SLC44A1: variants seen among roughly 807,000 people sequenced by gnomAD.
SLC44A1 encodes choline transporter-like protein 1.
In SLC44A1, 26 loss-of-function variants were observed where a neutral mutation model predicts 79.3. The ratio of observed to expected loss-of-function variants is 0.33; its 90% CI spans 0.24 to 0.46. The LOEUF (loss-of-function observed/expected upper bound fraction) is 0.46, where lower values mean the gene tolerates loss of function less well. Among genes scored for constraint, SLC44A1 ranks in the 20% least tolerant of loss-of-function variants. SLC44A1 has a pLI of 1.00. For missense variants in SLC44A1, 688 were observed against 798.1 expected (o/e 0.86, Z 1.66); for synonymous variants, 263 against 286.2 (o/e 0.92, Z 0.82).
intron 1 of SLC44A1, among the ~76,000 whole-genome samples, chr9:105,265,932 G>A (rs906034851): frequency 1.7e-4 from 25 of 151,364 alleles, no homozygotes; most frequent in African/African-American, 5.1e-4. Flanking sequence ...TGTATCTTTC[G>A]AATTATTGCT....
chr9:105,376,048 T>C (rs911029295), intron 13 of SLC44A1, among the ~76,000 whole-genome samples: 3 of 152,180 alleles, frequency 2.0e-5, no homozygotes, highest in African/African-American at 4.8e-5. Flanking sequence ...CCATGGTAAA[T>C]ATCCACCAAA....
intron 4 of SLC44A1, among the ~76,000 whole-genome samples, chr9:105,342,810 G>C (rs1281163267): frequency 2.6e-5 from 4 of 151,906 alleles, no homozygotes; most frequent in African/African-American, 7.3e-5. Context: ...TTTGATTTTT[G>C]CACTTGCTAT....
intron 5 of SLC44A1, among the ~76,000 whole-genome samples, chr9:105,351,455 A>G (rs917909666): frequency 9.2e-5 from 14 of 151,676 alleles, no homozygotes; most frequent in African/African-American, 2.9e-4. Flanking sequence ...AATCGCTTGA[A>G]CCTGGGAGGT....
At chr9:105,342,088 CTTA>C (rs1189963008) in intron 4 of SLC44A1, among the ~76,000 whole-genome samples, 3 of 152,174 alleles carry the variant, frequency 2.0e-5, no homozygotes, top group Non-Finnish European at 2.9e-5. Flanking sequence ...TACTTTCCTC[CTTA>C]TTATAATTAT....
At chr9:105,304,944 G>GTT (rs10589897) in intron 2 of SLC44A1, among the ~76,000 whole-genome samples, 3 of 20,076 alleles carry the variant, frequency 1.5e-4, no homozygotes, top group Non-Finnish European at 1.1e-4. Context: ...ACTTTCTATC[G>GTT]TTTTTTTTTT....
rs1827435744 is a variant in SLC44A1, at chr9:105,351,625, AG to A, written c.500+3175del. 4.1e-3 allele frequency among the ~76,000 whole-genome samples: 294 copies of A among 71,256 alleles called. 2 individuals are homozygous for A. Among genetic ancestry groups the A allele is most frequent in the African/African-American group, 0.013 (228 of 17,820 alleles). 46.7% of individuals were successfully genotyped at this position (71,256 alleles called of 152,430 possible). A position where few individuals can be genotyped will look rare whatever the true frequency, so the allele number is the denominator to read the frequency against. ...AAGAAAGAAAGAAAGAAAGAAAGAGAGAGAAAGAGAAAGAAAGAAAGAAAGA... is the reference window on the plus strand; with the variant it reads ...AAGAAAGAAAGAAAGAAAGAAAGAGAAGAAAGAGAAAGAAAGAAAGAAAGA... On this transcript the variant is annotated intron_variant, in intron 5 of 15. Coordinates refer to ENST00000374720, the MANE Select transcript of SLC44A1 (RefSeq NM_080546.5).
At chr9:105,415,872 A>T (rs1466853584) in intron 15 of SLC44A1, among the ~76,000 whole-genome samples, 3 of 146,240 alleles carry the variant, frequency 2.1e-5, no homozygotes, top group South Asian at 2.2e-4. Context: ...CAACTTTTGG[A>T]TATTCTCTGA....
intron 1 of SLC44A1, among the ~76,000 whole-genome samples, chr9:105,260,565 A>G (rs1334933687): frequency 6.6e-6 from 1 of 152,236 alleles, no homozygotes; most frequent in South Asian, 2.1e-4. Context: ...GATATTGGCA[A>G]AAGTAGATAA....
At chr9:105,437,061 GTTTGA>G (rs1829472549) in intron 15 of SLC44A1, among the ~76,000 whole-genome samples, 1 of 152,150 alleles carries the variant, frequency 6.6e-6, no homozygotes, top group Non-Finnish European at 1.5e-5. Flanking sequence ...CTCTGGGCTT[GTTTGA>G]TAATCAAACT....
chr9:105,283,746 A>G (rs1487880864), intron 1 of SLC44A1, among the ~76,000 whole-genome samples: 1 of 152,210 alleles, frequency 6.6e-6, no homozygotes, highest in East Asian at 1.9e-4. Flanking sequence ...TTCTCATTCC[A>G]CCTTATGAGA....
intron 2 of SLC44A1, chr9:105,299,717 C>T: frequency 1.1e-6 from 1 of 911,862 alleles, no homozygotes; most frequent in Non-Finnish European, 1.3e-6. Context: ...TTGCTCACTG[C>T]TCCTTCCTCC....
At chr9:105,280,885 A>G (rs193007) in intron 1 of SLC44A1, among the ~76,000 whole-genome samples, 26,212 of 152,180 alleles carry the variant, frequency 0.17, 3,452 homozygotes, top group African/African-American at 0.37. Flanking sequence ...TTAGGAAGAA[A>G]TGTTCAAGGT....
intron 14 of SLC44A1, 53 bp downstream of exon 14, chr9:105,383,412 A>G (rs1828537791): frequency 9.9e-7 from 1 of 1,008,244 alleles, no homozygotes; most frequent in Non-Finnish European, 1.6e-6. Flanking sequence ...ACCAATAAAA[A>G]TATTTTGTAA....
chr9:105,344,210 A>G (rs536023684), intron 4 of SLC44A1, among the ~76,000 whole-genome samples: 1 of 152,312 alleles, frequency 6.6e-6, no homozygotes, highest in South Asian at 2.1e-4. Context: ...TCTATCCTGC[A>G]AATATTGTGG....
At chr9:105,367,283 A>G (rs1564462143) in intron 12 of SLC44A1, among the ~76,000 whole-genome samples, 1 of 152,198 alleles carries the variant, frequency 6.6e-6, no homozygotes, top group East Asian at 1.9e-4. Context: ...ATTCACTCCA[A>G]GATAGTCACA....
At chr9:105,265,516 T>C (rs1371880768) in intron 1 of SLC44A1, among the ~76,000 whole-genome samples, 1 of 152,252 alleles carries the variant, frequency 6.6e-6, no homozygotes, top group Non-Finnish European at 1.5e-5. Context: ...GAATATATCA[T>C]AGTTTATTCA....
At chr9:105,316,684 T>C (rs1380203356) in intron 3 of SLC44A1, among the ~76,000 whole-genome samples, 1 of 152,208 alleles carries the variant, frequency 6.6e-6, no homozygotes, top group African/African-American at 2.4e-5. Flanking sequence ...AGTTCAGTGA[T>C]GAAATGTCAT....
rs1828809568 is a variant in SLC44A1 at position 105,393,398 on chromosome 9, A to G, written c.*4342A>G. Reference sequence around the variant, plus strand: ...TCTAAAGCTAGCAAACTTAAAAAACAAAACAAAAATTACACGTCGTGTACA... The same window carrying G: ...TCTAAAGCTAGCAAACTTAAAAAACGAAACAAAAATTACACGTCGTGTACA... On this transcript the variant is annotated 3_prime_UTR_variant, in exon 16 of 16. Transcript: ENST00000374720. 1.0e-6 allele frequency: 1 copy of G among 985,386 alleles called. No individual in the cohort carries two copies. Among genetic ancestry groups the G allele is most frequent in the Non-Finnish European group, 1.2e-6 (1 of 829,844 alleles). The allele number at this position is 985,386 out of a possible 1,614,324, so 61.0% of individuals were successfully genotyped here.
At position 105,393,183 on chromosome 9, in the gene SLC44A1, A is replaced by G; in HGVS notation, c.*4127A>G. 1.0e-6 allele frequency: 1 copy of G among 985,492 alleles called. No homozygotes were observed. Among genetic ancestry groups the G allele is most frequent in the Non-Finnish European group, 1.2e-6 (1 of 829,936 alleles). The allele number at this position is 985,492 out of a possible 1,614,324, so 61.0% of individuals were successfully genotyped here. A position where few individuals can be genotyped will look rare whatever the true frequency, so the allele number is the denominator to read the frequency against. Reference sequence around the variant, plus strand: ...AGATATTTGTGTATTCTGTATTCACAGCGTAGGCTGCCTTTTGCTTTAAAT... The same window carrying G: ...AGATATTTGTGTATTCTGTATTCACGGCGTAGGCTGCCTTTTGCTTTAAAT... On this transcript the variant is annotated 3_prime_UTR_variant, in exon 16 of 16. Coordinates refer to ENST00000374720, the MANE Select transcript of SLC44A1 (RefSeq NM_080546.5).
Sources: gnomAD v4.1 joint callset for allele counts (sites outside exome capture counted in the v4.1 genomes callset) on GRCh38, gnomAD v4.1.1 for gene constraint, MANE v1.5 for transcripts, NCBI Gene and HGNC (gene_info 2026-07-23, HGNC 2026-07-21) for gene names.